CNBD1: variants seen among roughly 807,000 people sequenced by gnomAD.
CNBD1 encodes the protein cyclic nucleotide-binding domain-containing protein 1.
Under a neutral mutation model 54.4 loss-of-function variants are expected in CNBD1, and 71 were observed. That is an observed-to-expected ratio of 1.30 (90% CI 1.08 to 1.59). CNBD1 has a LOEUF of 1.59. CNBD1 is among the 40% of genes most tolerant of loss of function. The pLI, the probability that CNBD1 is intolerant of heterozygous loss-of-function variation, is 0.00. For synonymous variants in CNBD1, 182 were observed against 170.7 expected (o/e 1.07, Z -0.51); for missense variants, 659 against 518.0 (o/e 1.27, Z -2.64).
At position 87,345,947 on chromosome 8, in the gene CNBD1, A is replaced by G. The variant is rs915059879; in HGVS notation, c.1043-5738A>G. Among the ~76,000 whole-genome samples the G allele has an allele frequency of 4.3e-5, 6 of 139,286 alleles. No homozygotes were observed. The Middle Eastern group carries it at 0.016, about 381-fold the overall frequency. The allele number at this position is 139,286 out of a possible 152,430, so 91.4% of individuals were successfully genotyped here. On this transcript the variant is annotated intron_variant, in intron 8 of 10. Coordinates refer to ENST00000518476, the MANE Select transcript of CNBD1 (RefSeq NM_173538.3). The stretch of plus-strand genomic sequence containing the variant: ...TTAAAATAAACTGATATTCAAATGC[A>G]TAGTTCTTTGAAATGGAAATATATT...
intron 8 of CNBD1, among the ~76,000 whole-genome samples, chr8:87,311,646 G>A (rs1809268812): frequency 6.6e-6 from 1 of 152,074 alleles, no homozygotes; most frequent in Admixed American, 6.6e-5. Context: ...ACATGCACTT[G>A]TATGTTCATT....
intron 4 of CNBD1, among the ~76,000 whole-genome samples, chr8:86,991,470 G>T (rs1458451393): frequency 6.6e-6 from 1 of 151,298 alleles, no homozygotes; most frequent in Non-Finnish European, 1.5e-5. Context: ...AACCACCCTT[G>T]GTTTCATTGA....
chr8:87,328,890 C>A (rs1382729024), intron 8 of CNBD1, among the ~76,000 whole-genome samples: 1 of 151,846 alleles, frequency 6.6e-6, no homozygotes, highest in African/African-American at 2.4e-5. Flanking sequence ...TTTCTTAATA[C>A]CATTTATGAA....
chr8:87,374,796 T>C (rs1810891388), intron 10 of CNBD1, among the ~76,000 whole-genome samples: 1 of 151,862 alleles, frequency 6.6e-6, no homozygotes, highest in Non-Finnish European at 1.5e-5. Context: ...ATTCTTTTCT[T>C]GGATGGAATT....
chr8:87,401,007 C>T (rs113648792), intron 2 of CNBD1, among the ~76,000 whole-genome samples: 2,763 of 152,012 alleles, frequency 0.018, 84 homozygotes, highest in African/African-American at 0.06. Flanking sequence ...GGCTAAAGGA[C>T]AGAATCATAT....
At chr8:87,369,359 T>C (rs1810711419) in intron 10 of CNBD1, among the ~76,000 whole-genome samples, 1 of 151,986 alleles carries the variant, frequency 6.6e-6, no homozygotes, top group Non-Finnish European at 1.5e-5. Context: ...TTCCAGTGTA[T>C]ATTTATATTG....
intron 2 of CNBD1, among the ~76,000 whole-genome samples, chr8:86,900,119 T>C (rs780322086): frequency 4.5e-4 from 68 of 152,228 alleles, no homozygotes; most frequent in Non-Finnish European, 1.9e-4. Context: ...AACAGGGCTC[T>C]TTAGAGAATT....
intron 4 of CNBD1, among the ~76,000 whole-genome samples, chr8:87,201,824 C>G (rs1048039180): frequency 2.0e-5 from 3 of 152,064 alleles, no homozygotes; most frequent in African/African-American, 7.2e-5. Context: ...TGCAGTGACA[C>G]AATCTTGGCT....
chr8:87,218,874 A>T (rs866209998), intron 5 of CNBD1, among the ~76,000 whole-genome samples: 1 of 151,866 alleles, frequency 6.6e-6, no homozygotes, highest in Non-Finnish European at 1.5e-5. Flanking sequence ...AGTTTTTCCT[A>T]TGTTTATCTT....
chr8:86,893,183 T>C (rs1808798725), intron 2 of CNBD1, among the ~76,000 whole-genome samples: 1 of 152,192 alleles, frequency 6.6e-6, no homozygotes, highest in African/African-American at 2.4e-5. Context: ...ATTTATTCAA[T>C]AGGTTGTTAA....
At chr8:87,164,846 C>T (rs140183535) in intron 4 of CNBD1, among the ~76,000 whole-genome samples, 3 of 151,888 alleles carry the variant, frequency 2.0e-5, no homozygotes, top group African/African-American at 4.8e-5. Context: ...TTCCTTTCCA[C>T]ATTCCTTGAG....
chr8:87,364,818 G>T (rs1008877465), intron 10 of CNBD1, among the ~76,000 whole-genome samples: 1 of 152,066 alleles, frequency 6.6e-6, no homozygotes, highest in Non-Finnish European at 1.5e-5. Context: ...CAAAGGACAT[G>T]ATATCATTCT....
chr8:87,089,162 T>C (rs1352683935), intron 4 of CNBD1, among the ~76,000 whole-genome samples: 2 of 152,130 alleles, frequency 1.3e-5, no homozygotes, highest in Non-Finnish European at 2.9e-5. Flanking sequence ...GAGATGGATC[T>C]ATGAAGTGAA....
chr8:87,236,230 A>G (rs543826187), intron 5 of CNBD1, among the ~76,000 whole-genome samples: 11 of 152,286 alleles, frequency 7.2e-5, no homozygotes, highest in South Asian at 4.1e-4. Flanking sequence ...TTACCCCCTT[A>G]TTCTTCAAAG....
At chr8:87,207,980 T>A (rs1356607007) in intron 5 of CNBD1, among the ~76,000 whole-genome samples, 1 of 152,216 alleles carries the variant, frequency 6.6e-6, no homozygotes, top group East Asian at 1.9e-4. Flanking sequence ...TTTGTAGATT[T>A]CTTTGTTCAT....
intron 4 of CNBD1, among the ~76,000 whole-genome samples, chr8:87,119,590 T>C (rs1388870553): frequency 6.6e-6 from 1 of 152,146 alleles, no homozygotes; most frequent in Non-Finnish European, 1.5e-5. Context: ...CTTGCCTGAT[T>C]GCTCTTGCTA....
At chr8:86,878,480 T>C (rs931314506) in intron 1 of CNBD1, among the ~76,000 whole-genome samples, 1 of 152,052 alleles carries the variant, frequency 6.6e-6, no homozygotes, top group Admixed American at 6.6e-5. Context: ...TGTGTAGTTA[T>C]TTGGCCATGA....
At chr8:87,114,681 A>C (rs1811734689) in intron 4 of CNBD1, among the ~76,000 whole-genome samples, 1 of 152,018 alleles carries the variant, frequency 6.6e-6, no homozygotes, top group Non-Finnish European at 1.5e-5. Context: ...GTTGATTCTT[A>C]TTTATCTAAT....
intron 6 of CNBD1, among the ~76,000 whole-genome samples, chr8:87,254,862 GC>G (rs1414107344): frequency 6.6e-6 from 1 of 152,092 alleles, no homozygotes; most frequent in African/African-American, 2.4e-5. Flanking sequence ...AGAAAATGGG[GC>G]AAGAAGAATG....
Sources: allele counts gnomAD v4.1 joint callset (sites outside exome capture counted in the v4.1 genomes callset), GRCh38; gene constraint gnomAD v4.1.1; transcripts MANE v1.5; gene names NCBI Gene and HGNC (gene_info 2026-07-23, HGNC 2026-07-21).